Variants in ZYG11B observed in about 807,000 individuals in gnomAD.
ZYG11B encodes the protein protein zyg-11 homolog B.
In ZYG11B, 36 loss-of-function variants were observed where a neutral mutation model predicts 82.4. The observed-to-expected ratio is 0.44, with a 90% CI of 0.33 to 0.58. The LOEUF (loss-of-function observed/expected upper bound fraction) is 0.58, where lower values mean the gene tolerates loss of function less well. Ranked by LOEUF, ZYG11B falls within the 20% of genes least tolerant of loss-of-function variation. ZYG11B has a pLI of 0.02. For missense variants in ZYG11B, 552 were observed against 895.6 expected (o/e 0.62, Z 4.90); for synonymous variants, 303 against 312.8 (o/e 0.97, Z 0.33).
At chr1:52,727,031 CTT>C (rs753379163) in intron 1 of ZYG11B, among the ~76,000 whole-genome samples, 16 of 151,892 alleles carry the variant, frequency 1.1e-4, no homozygotes, top group Non-Finnish European at 1.5e-4. Context: ...CTTTTTTCCT[CTT>C]ATGTGATTTT....
intron 1 of ZYG11B, among the ~76,000 whole-genome samples, chr1:52,749,097 G>A (rs1644500577): frequency 6.6e-6 from 1 of 151,994 alleles, no homozygotes; most frequent in Non-Finnish European, 1.5e-5. Flanking sequence ...CAGGTACTTG[G>A]GAGACTGAGG....
At chr1:52,797,171 T>C (rs1325459887) in intron 8 of ZYG11B, among the ~76,000 whole-genome samples, 1 of 60,992 alleles carries the variant, frequency 1.6e-5, no homozygotes, top group African/African-American at 1.4e-4. Flanking sequence ...TATTATATAT[T>C]ATATATATTT....
chr1:52,743,068 C>T (rs1644446892), intron 1 of ZYG11B, among the ~76,000 whole-genome samples: 1 of 151,944 alleles, frequency 6.6e-6, no homozygotes, highest in Non-Finnish European at 1.5e-5. Context: ...CCCAACAGCT[C>T]ATTGTGAACG....
chr1:52,821,815 T>C lies in ZYG11B; in HGVS notation c.*186T>C, dbSNP rs1571806895. The C allele has an allele frequency of 8.3e-6, 4 of 482,084 alleles. No homozygotes were observed. The East Asian group carries it at 9.6e-5, about 12-fold the overall frequency. 29.9% of individuals were successfully genotyped at this position (482,084 alleles called of 1,614,324 possible). A position where few individuals can be genotyped will look rare whatever the true frequency, so the allele number is the denominator to read the frequency against. On this transcript the variant is annotated 3_prime_UTR_variant, in exon 14 of 14. Coordinates refer to ENST00000294353, the MANE Select transcript of ZYG11B (RefSeq NM_024646.3). The stretch of plus-strand genomic sequence containing the variant: ...AATTTGTCTTGTGATTTTAAACTTA[T>C]GAGTCAAGAAGGGTCTCTTCCTTTA...
At chr1:52,790,715 C>CAAAAAAA (rs755866491) in intron 6 of ZYG11B, among the ~76,000 whole-genome samples, 2 of 49,692 alleles carry the variant, frequency 4.0e-5, no homozygotes, top group African/African-American at 8.0e-5. Flanking sequence ...AAGACTGTCT[C>CAAAAAAA]AAAAAAAAAA....
chr1:52,791,888 C>T (rs1411873468), intron 6 of ZYG11B, among the ~76,000 whole-genome samples: 1 of 152,154 alleles, frequency 6.6e-6, no homozygotes, highest in Non-Finnish European at 1.5e-5. Context: ...AAGACATAGT[C>T]ACTCTCCTAA....
intron 1 of ZYG11B, among the ~76,000 whole-genome samples, chr1:52,743,468 G>T (rs1034002476): frequency 2.1e-5 from 3 of 143,802 alleles, no homozygotes; most frequent in African/African-American, 7.7e-5. Context: ...GTAAGATAAT[G>T]TTAATTTATT....
chr1:52,785,643 G>C (rs1232868983), intron 5 of ZYG11B, among the ~76,000 whole-genome samples: 1 of 152,114 alleles, frequency 6.6e-6, no homozygotes, highest in African/African-American at 2.4e-5. Flanking sequence ...TCTTAGTAGA[G>C]ACAAGGTTTC....
At chr1:52,783,997 T>TAGAGAGAG (rs60838674) in intron 4 of ZYG11B, among the ~76,000 whole-genome samples, 2,070 of 142,390 alleles carry the variant, frequency 0.015, 30 homozygotes, top group African/African-American at 0.032. Context: ...TATATATATA[T>TAGAGAGAG]AGAGAGAGAG....
intron 10 of ZYG11B, among the ~76,000 whole-genome samples, chr1:52,803,210 AC>A (rs1645104624): frequency 1.2e-5 from 1 of 80,198 alleles, no homozygotes; most frequent in African/African-American, 1.1e-4. Context: ...ATATACACAC[AC>A]ATATATATAT....
chr1:52,813,852 TC>T lies in ZYG11B; in HGVS notation c.1894-7del, dbSNP rs762419261. On this transcript the variant is annotated splice_region_variant and splice_polypyrimidine_tract_variant and intron_variant, in intron 11 of 13. Coordinates refer to ENST00000294353, the MANE Select transcript of ZYG11B (RefSeq NM_024646.3). Reference sequence around the variant, plus strand: ...GTAATCCTTTCTTGTGTGTCTTTTGTCTTCCAGCATTCAGCTATTTTGAAAT... The same window carrying T: ...GTAATCCTTTCTTGTGTGTCTTTTGTTTCCAGCATTCAGCTATTTTGAAAT... The T allele has an allele frequency of 4.6e-5, 75 of 1,614,040 alleles. No homozygotes were observed. Among genetic ancestry groups the T allele is most frequent in the Non-Finnish European group, 6.3e-5 (74 of 1,180,020 alleles).
At chr1:52,733,270 A>G (rs1394038240) in intron 1 of ZYG11B, among the ~76,000 whole-genome samples, 5 of 152,170 alleles carry the variant, frequency 3.3e-5, no homozygotes, top group Non-Finnish European at 7.3e-5. Flanking sequence ...AATAATAGTA[A>G]TATCTCTTAA....
At chr1:52,751,268 A>G (rs1231082873) in intron 1 of ZYG11B, among the ~76,000 whole-genome samples, 1 of 85,192 alleles carries the variant, frequency 1.2e-5, no homozygotes, top group East Asian at 3.2e-4. Context: ...CGCCCACCCC[A>G]TCCCACCCTA....
intron 10 of ZYG11B, among the ~76,000 whole-genome samples, chr1:52,808,052 C>T (rs941242643): frequency 6.6e-6 from 1 of 152,162 alleles, no homozygotes; most frequent in Non-Finnish European, 1.5e-5. Context: ...TTCTTTTCCT[C>T]TGGCTACTTT....
At chr1:52,783,278 T>C (rs1644872064) in intron 4 of ZYG11B, among the ~76,000 whole-genome samples, 4 of 152,100 alleles carry the variant, frequency 2.6e-5, no homozygotes, top group Admixed American at 6.6e-5. Flanking sequence ...AGAAAAAAGA[T>C]GGTAATCGTT....
chr1:52,767,193 TTTATTTTATTTTGTTATTTTATG>T (rs933869911), intron 2 of ZYG11B, among the ~76,000 whole-genome samples: 3 of 151,454 alleles, frequency 2.0e-5, no homozygotes, highest in Non-Finnish European at 2.9e-5. Flanking sequence ...GTTATGTTAT[TTTATTTTATTTTGTTATTTTATG>T]TTATTTTATT....
intron 6 of ZYG11B, 30 bp downstream of exon 6, chr1:52,790,097 G>A (rs1412396712): frequency 1.3e-6 from 2 of 1,490,010 alleles, no homozygotes; most frequent in East Asian, 2.3e-5. Context: ...CTTAAAGTGG[G>A]GCAAAACAGA....
At chr1:52,738,745 GA>G (rs1183145110) in intron 1 of ZYG11B, among the ~76,000 whole-genome samples, 3 of 151,108 alleles carry the variant, frequency 2.0e-5, no homozygotes, top group South Asian at 2.1e-4. Context: ...TCAGCCTCCT[GA>G]GTAGCTGGGA....
chr1:52,742,574 G>A (rs144305686), intron 1 of ZYG11B, among the ~76,000 whole-genome samples: 3,708 of 152,248 alleles, frequency 0.024, 155 homozygotes, highest in African/African-American at 0.085. Flanking sequence ...CAGGCGCGGT[G>A]GCTCACGCCT....
Sources: allele counts gnomAD v4.1 joint callset (sites outside exome capture counted in the v4.1 genomes callset), GRCh38; gene constraint gnomAD v4.1.1; transcripts MANE v1.5; gene names NCBI Gene and HGNC (gene_info 2026-07-23, HGNC 2026-07-21).